CSRNP3: variants seen among roughly 807,000 people sequenced by gnomAD.
CSRNP3 encodes the protein cysteine/serine-rich nuclear protein 3.
CSRNP3 carries 12 observed loss-of-function variants against 48.0 expected under a neutral mutation model. The observed-to-expected ratio is 0.25, with a 90% CI of 0.16 to 0.41. The LOEUF (loss-of-function observed/expected upper bound fraction) is 0.41. CSRNP3 is among the 10% of genes least tolerant of loss of function. The pLI is 1.00. For synonymous variants in CSRNP3, 263 were observed against 269.7 expected (o/e 0.98, Z 0.24); for missense variants, 580 against 724.4 (o/e 0.80, Z 2.29).
intron 4 of CSRNP3, among the ~76,000 whole-genome samples, chr2:165,601,615 C>T (rs965919858): frequency 4.0e-5 from 6 of 151,860 alleles, no homozygotes; most frequent in Non-Finnish European, 5.9e-5. Flanking sequence ...TATACTTTAC[C>T]CAAGAGCTAA....
chr2:165,602,999 C>T (rs1300331275), intron 4 of CSRNP3, among the ~76,000 whole-genome samples: 3 of 152,054 alleles, frequency 2.0e-5, no homozygotes, highest in African/African-American at 2.4e-5. Flanking sequence ...GGGTTCACGC[C>T]ATTCTCCTGC....
chr2:165,657,644 G>T, intron 4 of CSRNP3, 117 bp from the exon 5 acceptor site: 2 of 1,214,072 alleles, frequency 1.6e-6, no homozygotes, highest in Non-Finnish European at 1.2e-6. Flanking sequence ...GTTTTAGAGT[G>T]CCCTAGCCAA....
chr2:165,665,775 A>AAGAGAGAGAGAGAG lies in CSRNP3; in HGVS notation c.408+7769_408+7782dup, dbSNP rs10645178. ...GAGTGAGATTCTGGGAAAAGAAAGAAAGAGAGAGAGAGAGAGAGAGAGAGA... is the reference window on the plus strand; with the variant it reads ...GAGTGAGATTCTGGGAAAAGAAAGAAAGAGAGAGAGAGAGAGAGAGAGAGAGAGAGAGAGAGAGA... On this transcript the variant is annotated intron_variant, in intron 5 of 6. Coordinates refer to ENST00000651982, the MANE Select transcript of CSRNP3 (RefSeq NM_001172173.2). Among the ~76,000 whole-genome samples the AAGAGAGAGAGAGAG allele has an allele frequency of 2.3e-3, 303 of 131,250 alleles. 1 individual carries two copies. The highest frequency in any genetic ancestry group is 5.2e-3 in the African/African-American group (168 of 32,040). 86.1% of individuals were successfully genotyped at this position (131,250 alleles called of 152,430 possible). A position where few individuals can be genotyped will look rare whatever the true frequency, so the allele number is the denominator to read the frequency against.
At chr2:165,536,058 A>G (rs1684877923) in intron 3 of CSRNP3, among the ~76,000 whole-genome samples, 1 of 151,800 alleles carries the variant, frequency 6.6e-6, no homozygotes. Context: ...TCTTAACACT[A>G]GAGATATGAA....
In CSRNP3 at chr2:165,666,926, AAG is replaced by A. The variant is rs1233407811; in HGVS notation, c.408+8912_408+8913del. On this transcript the variant is annotated intron_variant, in intron 5 of 6. Coordinates refer to ENST00000651982, the MANE Select transcript of CSRNP3 (RefSeq NM_001172173.2). ...AAGGAAGGGCGGAAGGAAGGGAGGAAAGAGAGAAGAAGAAAGAAAGAGAGAGA... is the reference window on the plus strand; with the variant it reads ...AAGGAAGGGCGGAAGGAAGGGAGGAAAGAGAAGAAGAAAGAAAGAGAGAGA... 6.5e-3 allele frequency among the ~76,000 whole-genome samples: 364 copies of A among 56,154 alleles called. 63 individuals are homozygous for A. The highest frequency in any genetic ancestry group is 0.016 in the African/African-American group (328 of 20,410). 36.8% of individuals were successfully genotyped at this position (56,154 alleles called of 152,430 possible).
At chr2:165,502,994 T>C (rs941457613) in intron 2 of CSRNP3, among the ~76,000 whole-genome samples, 1 of 151,982 alleles carries the variant, frequency 6.6e-6, no homozygotes, top group African/African-American at 2.4e-5. Context: ...ATGATAGTGA[T>C]TTTCTTTTTC....
At position 165,549,745 on chromosome 2, in the gene CSRNP3, A is replaced by G. The variant is rs192399372; in HGVS notation, c.-24+31784A>G. Among the ~76,000 whole-genome samples the G allele has an allele frequency of 2.9e-3, 441 of 152,268 alleles. 4 individuals are homozygous for G. The highest frequency in any genetic ancestry group is 9.7e-3 in the African/African-American group (405 of 41,572). On this transcript the variant is annotated intron_variant, in intron 3 of 6. Coordinates refer to ENST00000651982, the MANE Select transcript of CSRNP3 (RefSeq NM_001172173.2). ...TTTTCTACCCATTAAAACCTGCGAC[A>G]AGGCCACAGAGGCCCTGGAGTAAAA...
chr2:165,541,324 G>A (rs1684954806), intron 3 of CSRNP3, among the ~76,000 whole-genome samples: 1 of 151,704 alleles, frequency 6.6e-6, no homozygotes, highest in Non-Finnish European at 1.5e-5. Flanking sequence ...AGACCCTTTT[G>A]TTTTATTCTT....
intron 1 of CSRNP3, among the ~76,000 whole-genome samples, chr2:165,480,782 T>TATATATATA (rs370558588): frequency 0.22 from 32,113 of 143,436 alleles, 3,845 homozygotes; most frequent in East Asian, 0.37. Flanking sequence ...TTTTATATAT[T>TATATATATA]ATATATATAA....
intron 3 of CSRNP3, among the ~76,000 whole-genome samples, chr2:165,547,158 A>G (rs1461302879): frequency 6.6e-6 from 1 of 152,110 alleles, no homozygotes; most frequent in Non-Finnish European, 1.5e-5. Context: ...AACCTCATTC[A>G]TTTTTATATC....
intron 5 of CSRNP3, among the ~76,000 whole-genome samples, chr2:165,675,676 G>A (rs549544091): frequency 1.3e-5 from 2 of 152,332 alleles, no homozygotes; most frequent in African/African-American, 4.8e-5. Flanking sequence ...GTTGCTGAGA[G>A]CTTGAGGGCC....
intron 1 of CSRNP3, among the ~76,000 whole-genome samples, chr2:165,480,250 C>T (rs950386091): frequency 6.6e-6 from 1 of 152,180 alleles, no homozygotes; most frequent in Non-Finnish European, 1.5e-5. Context: ...GTGATTAGGT[C>T]AAGCCCACCC....
At chr2:165,636,203 C>G (rs1686625572) in intron 4 of CSRNP3, among the ~76,000 whole-genome samples, 1 of 152,196 alleles carries the variant, frequency 6.6e-6, no homozygotes, top group South Asian at 2.1e-4. Flanking sequence ...GTGACACATT[C>G]ATATGTAAGC....
chr2:165,566,255 C>T (rs1461643739), intron 3 of CSRNP3, among the ~76,000 whole-genome samples: 1 of 151,974 alleles, frequency 6.6e-6, no homozygotes, highest in African/African-American at 2.4e-5. Context: ...GTTTCCTTCA[C>T]ACATACATTA....
intron 3 of CSRNP3, among the ~76,000 whole-genome samples, chr2:165,575,118 G>A (rs1420151928): frequency 6.6e-6 from 1 of 152,108 alleles, no homozygotes. Flanking sequence ...AGTCTGCATT[G>A]TAAAGGGATC....
chr2:165,512,364 T>A (rs1684520151), intron 2 of CSRNP3, among the ~76,000 whole-genome samples: 1 of 152,218 alleles, frequency 6.6e-6, no homozygotes. Flanking sequence ...CTCTTATAAT[T>A]CTAACAGATT....
At chr2:165,560,226 A>G (rs1358393349) in intron 3 of CSRNP3, among the ~76,000 whole-genome samples, 1 of 152,176 alleles carries the variant, frequency 6.6e-6, no homozygotes, top group Non-Finnish European at 1.5e-5. Context: ...ATATGGTGGA[A>G]TGATGGACTT....
intron 2 of CSRNP3, among the ~76,000 whole-genome samples, 167 bp downstream of exon 2, chr2:165,495,095 T>C (rs912412115): frequency 2.6e-5 from 4 of 152,106 alleles, no homozygotes; most frequent in Admixed American, 2.6e-4. Context: ...TTCAGCAGTA[T>C]ACTTCTTCTC....
intron 3 of CSRNP3, among the ~76,000 whole-genome samples, chr2:165,577,724 T>A (rs970965641): frequency 1.2e-4 from 18 of 151,916 alleles, no homozygotes; most frequent in East Asian, 3.9e-4. Context: ...TTGTCTTTTT[T>A]AAATGTTAAT....
Sources: allele counts gnomAD v4.1 joint callset (sites outside exome capture counted in the v4.1 genomes callset), GRCh38; gene constraint gnomAD v4.1.1; transcripts MANE v1.5; gene names NCBI Gene and HGNC (gene_info 2026-07-23, HGNC 2026-07-21).